The following PCDH15 variants were observed in gnomAD, a reference collection of about 807,000 sequenced individuals.
PCDH15 encodes the protein protocadherin-15.
In PCDH15, 129 loss-of-function variants were observed where a neutral mutation model predicts 178.5. The ratio of observed to expected loss-of-function variants is 0.72; its 90% CI spans 0.63 to 0.84. The LOEUF (loss-of-function observed/expected upper bound fraction) is 0.84. Ranked by LOEUF, PCDH15 falls within the 40% of genes least tolerant of loss-of-function variation. The probability of loss-of-function intolerance (pLI) is 0.00; values close to 1 mark genes in which losing one functional copy is unlikely to be tolerated. For missense variants in PCDH15, 2,230 were observed against 2,099.9 expected, an observed-to-expected ratio of 1.06 and a Z score of -1.21; for synonymous variants, 800 against 732.0, an observed-to-expected ratio of 1.09 and a Z score of -1.50.
intron 1 of PCDH15, among the ~76,000 whole-genome samples, chr10:54,797,951 C>T (rs571170987): frequency 1.3e-5 from 2 of 152,068 alleles, no homozygotes; most frequent in South Asian, 2.1e-4. Context: ...AAGCTAGTCG[C>T]TCTCACATTC....
At chr10:53,903,986 T>C (rs547745831) in intron 25 of PCDH15, among the ~76,000 whole-genome samples, 25 of 152,144 alleles carry the variant, frequency 1.6e-4, no homozygotes, top group Admixed American at 5.2e-4. Flanking sequence ...TGATTATGAC[T>C]CATAAATGCT....
At chr10:54,903,821 A>G (rs531326423) in intron 2 of PCDH15, among the ~76,000 whole-genome samples, 1 of 152,224 alleles carries the variant, frequency 6.6e-6, no homozygotes, top group East Asian at 1.9e-4. Flanking sequence ...GCAGTGTTTC[A>G]ATAGTTATTT....
At chr10:54,884,308 T>C (rs918708243) in intron 3 of PCDH15, among the ~76,000 whole-genome samples, 1 of 118,288 alleles carries the variant, frequency 8.5e-6, no homozygotes, top group African/African-American at 3.3e-5. Context: ...CAATGCTAAT[T>C]GCAAAGAGAG....
At chr10:55,528,854 C>G (rs367957045) in intron 2 of PCDH15, among the ~76,000 whole-genome samples, 14,041 of 151,980 alleles carry the variant, frequency 0.092, 784 homozygotes, top group African/African-American at 0.16. Flanking sequence ...CAGTGTAAAA[C>G]TGTTCCTATT....
At chr10:55,241,960 G>A (rs543519967) in intron 1 of PCDH15, among the ~76,000 whole-genome samples, 1 of 152,144 alleles carries the variant, frequency 6.6e-6, no homozygotes, top group African/African-American at 2.4e-5. Context: ...CTCTGCATGA[G>A]AGTGAAGTGA....
At chr10:55,122,421 G>A (rs534892460) in intron 2 of PCDH15, among the ~76,000 whole-genome samples, 1 of 152,218 alleles carries the variant, frequency 6.6e-6, no homozygotes, top group East Asian at 1.9e-4. Flanking sequence ...ATTTTTGACA[G>A]TAATAAAATA....
intron 2 of PCDH15, among the ~76,000 whole-genome samples, chr10:55,116,534 G>A (rs1837632971): frequency 6.6e-6 from 1 of 152,132 alleles, no homozygotes; most frequent in East Asian, 1.9e-4. Context: ...TGCATCAAGT[G>A]AGGGTAAAAT....
intron 2 of PCDH15, among the ~76,000 whole-genome samples, chr10:55,473,338 A>T (rs977049330): frequency 6.6e-6 from 1 of 152,140 alleles, no homozygotes; most frequent in Admixed American, 6.5e-5. Context: ...GTATATAAAA[A>T]AAAAAAGAAA....
intron 32 of PCDH15, among the ~76,000 whole-genome samples, chr10:53,820,801 A>C (rs1299759144): frequency 6.6e-6 from 1 of 152,052 alleles, no homozygotes; most frequent in Admixed American, 6.6e-5. Context: ...TGGAGCGCTA[A>C]GAACTATTAC....
intron 21 of PCDH15, among the ~76,000 whole-genome samples, chr10:53,980,620 G>A (rs751515941): frequency 2.6e-5 from 4 of 152,192 alleles, no homozygotes; most frequent in Admixed American, 6.5e-5. Flanking sequence ...TGCTTCACAT[G>A]AGCTAAGTGT....
rs1263680997 is a variant in PCDH15 at position 55,430,375 on chromosome 10, A to G, written c.-156+197250T>C. On this transcript the variant is annotated intron_variant, in intron 2 of 5. Transcript: ENST00000613346. ...ATCTGGATAGGTAAATAGCCAAATG[A>G]ATCTGGCTTACATTGTCTCTGAATC... 4.6e-5 allele frequency among the ~76,000 whole-genome samples: 7 copies of G among 152,214 alleles called. No homozygotes were observed. The East Asian group carries it at 1.3e-3, about 29-fold the overall frequency.
intron 25 of PCDH15, among the ~76,000 whole-genome samples, chr10:53,919,091 T>C (rs756669529): frequency 7.2e-5 from 11 of 152,186 alleles, no homozygotes; most frequent in Non-Finnish European, 1.2e-4. Context: ...TAAGGATTCT[T>C]GTAATTGCAT....
intron 8 of PCDH15, among the ~76,000 whole-genome samples, chr10:54,295,907 G>A (rs1277196063): frequency 1.3e-5 from 2 of 151,932 alleles, no homozygotes; most frequent in Non-Finnish European, 1.5e-5. Context: ...CACTTTGGGA[G>A]GCCGAGGCGG....
intron 2 of PCDH15, among the ~76,000 whole-genome samples, chr10:54,999,055 C>T (rs2384588): frequency 0.72 from 109,032 of 151,892 alleles, 39,347 homozygotes; most frequent in East Asian, 0.87. Context: ...AAAGCACTTT[C>T]TTGTTGTTTT....
chr10:54,970,579 G>C (rs1188348645), intron 2 of PCDH15, among the ~76,000 whole-genome samples: 1 of 151,094 alleles, frequency 6.6e-6, no homozygotes, highest in African/African-American at 2.4e-5. Context: ...TTTACCCATG[G>C]TTAACTTTGG....
intron 2 of PCDH15, among the ~76,000 whole-genome samples, chr10:55,537,167 T>TTG (rs1170014521): frequency 2.0e-5 from 3 of 152,048 alleles, no homozygotes; most frequent in Non-Finnish European, 2.9e-5. Flanking sequence ...CAGACTACAA[T>TTG]GTAAGACTAG....
At position 54,325,398 on chromosome 10, in the gene PCDH15, G is replaced by C. The variant is rs367978054; in HGVS notation, c.705+4198C>G. On this transcript the variant is annotated intron_variant, in intron 7 of 37. Transcript: ENST00000644397. The stretch of plus-strand genomic sequence containing the variant: ...ATCTTAATTCTCCTTATGACTTCAA[G>C]ATAATATATTGGTGCTTAATGTACA... Among the ~76,000 whole-genome samples, 178 of 152,098 alleles carry C rather than the reference G, an allele frequency of 1.2e-3. 7 individuals are homozygous for C. The South Asian group carries it at 0.036, about 31-fold the overall frequency.
intron 1 of PCDH15, among the ~76,000 whole-genome samples, chr10:54,764,171 T>A (rs1365477907): frequency 6.6e-6 from 1 of 152,068 alleles, no homozygotes; most frequent in Non-Finnish European, 1.5e-5. Context: ...TCTAGCTTTA[T>A]TCCAGGCACA....
chr10:54,895,240 G>T (rs1006331024), intron 3 of PCDH15, among the ~76,000 whole-genome samples: 8 of 152,016 alleles, frequency 5.3e-5, no homozygotes, highest in Non-Finnish European at 1.2e-4. Flanking sequence ...AAAGTCAACC[G>T]TGAAGGGCCC....
Sources: allele counts gnomAD v4.1 joint callset (sites outside exome capture counted in the v4.1 genomes callset), GRCh38; gene constraint gnomAD v4.1.1; transcripts MANE v1.5; gene names NCBI Gene and HGNC (gene_info 2026-07-23, HGNC 2026-07-21).